Variants in TSPAN11 observed in about 807,000 individuals in gnomAD.
TSPAN11 encodes the protein tetraspanin-11.
In TSPAN11, 29 loss-of-function variants were observed where a neutral mutation model predicts 32.9. That is an observed-to-expected ratio of 0.88 (90% CI 0.66 to 1.20). The LOEUF (loss-of-function observed/expected upper bound fraction) is 1.20, where lower values mean the gene tolerates loss of function less well. TSPAN11 is among the 50% of genes most tolerant of loss of function. The pLI is 0.00. For synonymous variants in TSPAN11, 140 were observed against 141.3 expected, an observed-to-expected ratio of 0.99 and a Z score of 0.07; for missense variants, 283 against 329.1, an observed-to-expected ratio of 0.86 and a Z score of 1.08.
chr12:30,954,038 T>A lies in TSPAN11; in HGVS notation c.47T>A (p.Leu16Ter). 1 of 1,613,948 alleles carries A rather than the reference T, an allele frequency of 6.2e-7. No homozygotes were observed. Among genetic ancestry groups the A allele is most frequent in the East Asian group, 2.2e-5 (1 of 44,884 alleles). ...CAGGACGACTGGCTGATCATCTACT[T>A]GAAGTATTTACTCTTTGTCTTCAAC... ...TEQDDWLIIY[L>*]KYLLFVFNFF... Residue 16 changes from leucine (L) to a stop codon, truncating the protein, a stop_gained, in exon 2 of 8, where the codon TTG becomes TAG. Transcript: ENST00000546076. LOFTEE classifies it high-confidence loss of function.
At chr12:31,007,333 C>T in the TSPAN11 span, among the ~76,000 whole-genome samples, 1 of 152,102 alleles carries the variant, frequency 6.6e-6, no homozygotes, top group Non-Finnish European at 1.5e-5. Context: ...ACACCCAGAC[C>T]CACAAACCCA....
At chr12:30,984,061 G>A (rs1391836293) in intron 7 of TSPAN11, among the ~76,000 whole-genome samples, 2 of 152,214 alleles carry the variant, frequency 1.3e-5, no homozygotes, top group African/African-American at 2.4e-5. Flanking sequence ...GGGTCCGAAG[G>A]AGGGGAGCCA....
chr12:31,003,119 T>C, the TSPAN11 span, among the ~76,000 whole-genome samples: 2 of 152,328 alleles, frequency 1.3e-5, no homozygotes, highest in Non-Finnish European at 2.9e-5. Context: ...GCATCAGACC[T>C]GATTGAACTA....
chr12:30,978,695 A>C lies in TSPAN11; in HGVS notation c.351+60A>C, dbSNP rs1338364107. ...AGTGTCCTGAAGAAGCAATGTGGGT[A>C]GGGAGGTTTGCATTGTGATGAGGGA... On this transcript the variant is annotated intron_variant, in intron 4 of 7. Coordinates refer to ENST00000546076, the MANE Select transcript of TSPAN11 (RefSeq NM_001370302.1). 4 of 1,576,418 alleles carry C rather than the reference A, an allele frequency of 2.5e-6. No homozygotes were observed. The African/African-American group carries it at 5.4e-5, about 21-fold the overall frequency.
downstream of TSPAN11, chr12:30,999,304 C>G (rs1939455540): frequency 6.7e-6 from 1 of 149,784 alleles, no homozygotes; most frequent in African/African-American, 2.5e-5. Flanking sequence ...AGAGCAAGAC[C>G]CTGTCAACCA....
rs773304275 is a variant in TSPAN11, at chr12:30,965,675, C to CACA, written c.276+1660_276+1661insAAC. 5.2e-4 allele frequency among the ~76,000 whole-genome samples: 79 copies of CACA among 152,240 alleles called. 1 individual carries two copies. The East Asian group carries it at 0.013, about 25-fold the overall frequency. On this transcript the variant is annotated intron_variant, in intron 3 of 7. Coordinates refer to ENST00000546076, the MANE Select transcript of TSPAN11 (RefSeq NM_001370302.1). Reference sequence around the variant, plus strand: ...TGAACTCTGTGCCGAGCAAGCGCTGCACTTGACATTCATGCACATCAACTC... The same window carrying CACA: ...TGAACTCTGTGCCGAGCAAGCGCTGCACAACTTGACATTCATGCACATCAACTC...
the TSPAN11 span, among the ~76,000 whole-genome samples, chr12:31,015,226 A>G: frequency 6.6e-6 from 1 of 152,314 alleles, no homozygotes; most frequent in South Asian, 2.1e-4. This position sits in a 1 kb window ranked among gnomAD's most constrained non-coding sequence, Gnocchi z 4.9. Context: ...GCTTTACACA[A>G]TGTGGTAAAA....
chr12:30,927,088 G>A (rs1378576994), intron 1 of TSPAN11: 6 of 1,242,164 alleles, frequency 4.8e-6, no homozygotes, highest in South Asian at 3.9e-5. Flanking sequence ...TGCCTTGGGA[G>A]AGAGCTCTGG....
the TSPAN11 span, among the ~76,000 whole-genome samples, chr12:31,011,301 T>C: frequency 6.6e-6 from 1 of 152,148 alleles, no homozygotes; most frequent in Non-Finnish European, 1.5e-5. Context: ...GGCTGTCTTT[T>C]AGGCAATGCA....
At chr12:30,931,646 G>A (rs1008136318) in intron 1 of TSPAN11, among the ~76,000 whole-genome samples, 14 of 152,116 alleles carry the variant, frequency 9.2e-5, no homozygotes, top group African/African-American at 2.2e-4. Flanking sequence ...TTGGGAGGTC[G>A]AGGCAGGCAG....
intron 3 of TSPAN11, among the ~76,000 whole-genome samples, chr12:30,968,695 A>G (rs1017940028): frequency 6.6e-6 from 1 of 152,222 alleles, no homozygotes; most frequent in Non-Finnish European, 1.5e-5. Context: ...GATGATTCAG[A>G]CTAAACTGGG....
intron 1 of TSPAN11, among the ~76,000 whole-genome samples, chr12:30,930,274 C>G (rs527967827): frequency 6.6e-6 from 1 of 152,290 alleles, no homozygotes; most frequent in Admixed American, 6.5e-5. Context: ...ATGAGACATG[C>G]ATTAAGGACC....
chr12:30,962,704 C>T (rs1353711798), intron 2 of TSPAN11, among the ~76,000 whole-genome samples: 6 of 152,118 alleles, frequency 3.9e-5, no homozygotes, highest in Non-Finnish European at 2.9e-5. Context: ...GCTTTGACCA[C>T]GCCCAGGACT....
rs1159120061 is a variant in TSPAN11 at position 30,978,506 on chromosome 12, T to C, written c.277-55T>C. The C allele has an allele frequency of 3.8e-6, 6 of 1,573,418 alleles. No homozygotes were observed. In the African/African-American group the frequency reaches 6.8e-5, roughly 18 times the overall value. ...CACCCCCACCACTGTGGGGAAACAT[T>C]TGTCATAGCAGCAACCCGATCCCAG... On this transcript the variant is annotated intron_variant, in intron 3 of 7. Transcript: ENST00000546076.
At chr12:30,972,610 T>A (rs1311603066) in intron 3 of TSPAN11, among the ~76,000 whole-genome samples, 1 of 152,090 alleles carries the variant, frequency 6.6e-6, no homozygotes, top group African/African-American at 2.4e-5. Flanking sequence ...TTCTCAGGCT[T>A]GTACAACAGT....
intron 2 of TSPAN11, among the ~76,000 whole-genome samples, chr12:30,957,261 C>T (rs959747541): frequency 2.7e-5 from 4 of 149,954 alleles, no homozygotes; most frequent in Non-Finnish European, 5.9e-5. Context: ...GTCTTCTGCC[C>T]CTCTGTGCTG....
chr12:30,978,416 A>G (rs1939017336), intron 3 of TSPAN11, 145 bp from the exon 4 acceptor site: 2 of 763,846 alleles, frequency 2.6e-6, no homozygotes, highest in African/African-American at 3.5e-5. Flanking sequence ...GCCAGCAGCC[A>G]GTGAGGCTGG....
intron 7 of TSPAN11, among the ~76,000 whole-genome samples, chr12:30,991,296 T>A (rs1485695975): frequency 6.6e-6 from 1 of 152,118 alleles, no homozygotes; most frequent in African/African-American, 2.4e-5. Flanking sequence ...AGTCTCAGTT[T>A]CCCCCATGGC....
At chr12:30,974,569 T>TTTA in intron 3 of TSPAN11, among the ~76,000 whole-genome samples, 1 of 152,312 alleles carries the variant, frequency 6.6e-6, no homozygotes, top group Non-Finnish European at 1.5e-5. Context: ...ATAGGTGTAC[T>TTTA]TTATTAGAAA....
Sources: gnomAD v4.1 joint callset for allele counts (sites outside exome capture counted in the v4.1 genomes callset) on GRCh38, gnomAD v4.1.1 for gene constraint, Gnocchi (gnomAD v3.1) non-coding constraint, MANE v1.5 for transcripts, NCBI Gene and HGNC (gene_info 2026-07-23, HGNC 2026-07-21) for gene names.